The following SERTM1 variants were observed in gnomAD, a reference collection of about 807,000 sequenced individuals.
SERTM1 encodes serine rich and transmembrane domain containing 1.
SERTM1 carries 1 observed loss-of-function variant against 5.5 expected under a neutral mutation model. The observed-to-expected ratio is 0.18, with a 90% CI of 0.06 to 0.86. SERTM1 has a LOEUF of 0.86. Among genes scored for constraint, SERTM1 ranks in the 40% least tolerant of loss-of-function variants. SERTM1 has a pLI of 0.69. For synonymous variants in SERTM1, 52 were observed against 55.1 expected (o/e 0.94, Z 0.25); for missense variants, 91 against 122.4 (o/e 0.74, Z 1.21).
At chr13:36,694,585 C>T (rs1303698261) in intron 1 of SERTM1, among the ~76,000 whole-genome samples, 1 of 152,192 alleles carries the variant, frequency 6.6e-6, no homozygotes, top group Non-Finnish European at 1.5e-5. Flanking sequence ...TTTCTGTGTT[C>T]TCATCTCAGA....
In SERTM1 at chr13:36,687,730, T is replaced by C. The variant is rs1429278458; in HGVS notation, c.-173-7176T>C. ...TAAAATATTTACTGCACATCCATTCTTATAAATTAAAAATACACACACACA... is the reference window on the plus strand; with the variant it reads ...TAAAATATTTACTGCACATCCATTCCTATAAATTAAAAATACACACACACA... On this transcript the variant is annotated intron_variant, in intron 1 of 1. Coordinates refer to ENST00000315190, the MANE Select transcript of SERTM1 (RefSeq NM_203451.3). Among the ~76,000 whole-genome samples, 3 of 151,848 alleles carry C rather than the reference T, an allele frequency of 2.0e-5. No homozygotes were observed. The East Asian group carries it at 5.8e-4, about 29-fold the overall frequency.
rs1358690936 is a variant in SERTM1 at position 36,695,814 on chromosome 13, G to A, written c.*412G>A. On this transcript the variant is annotated 3_prime_UTR_variant, in exon 2 of 2. Coordinates refer to ENST00000315190, the MANE Select transcript of SERTM1 (RefSeq NM_203451.3). ...ACTGGCAAAATCAAGTCTGACCTAT[G>A]TAGAAGTTATTTTCCATATTTAAAA... The A allele has an allele frequency of 5.6e-6, 1 of 178,574 alleles. No homozygotes were observed. Among genetic ancestry groups the A allele is most frequent in the East Asian group, 1.8e-4 (1 of 5,582 alleles). The allele number at this position is 178,574 out of a possible 1,614,324, so 11.1% of individuals were successfully genotyped here.
At chr13:36,694,275 A>T (rs1032445525) in intron 1 of SERTM1, among the ~76,000 whole-genome samples, 1 of 152,250 alleles carries the variant, frequency 6.6e-6, no homozygotes, top group African/African-American at 2.4e-5. Flanking sequence ...TTCGGAGAGA[A>T]TCTAACCTTT....
chr13:36,687,966 A>C (rs1337982764), intron 1 of SERTM1, among the ~76,000 whole-genome samples: 1 of 151,308 alleles, frequency 6.6e-6, no homozygotes, highest in African/African-American at 2.4e-5. Flanking sequence ...TAAAAACAAA[A>C]AAAAAAGCTC....
intron 1 of SERTM1, among the ~76,000 whole-genome samples, chr13:36,692,948 C>G (rs1468279759): frequency 6.6e-6 from 1 of 152,204 alleles, no homozygotes; most frequent in African/African-American, 2.4e-5. Flanking sequence ...TTTACCTGCC[C>G]TGCAAAGTAG....
In SERTM1 at chr13:36,693,651, A is replaced by C. The variant is rs866327405; in HGVS notation, c.-173-1255A>C. Among the ~76,000 whole-genome samples the C allele has an allele frequency of 2.0e-5, 3 of 152,150 alleles. No homozygotes were observed. In the East Asian group the frequency reaches 5.8e-4, roughly 29 times the overall value. The stretch of plus-strand genomic sequence containing the variant: ...GCTCCAGCCACAGTGGCAAATGTCA[A>C]CCCCTCCAAGAATCAGCTGCTTAAT... On this transcript the variant is annotated intron_variant, in intron 1 of 1. Coordinates refer to ENST00000315190, the MANE Select transcript of SERTM1 (RefSeq NM_203451.3).
At position 36,682,989 on chromosome 13, in the gene SERTM1, G is replaced by A. The variant is rs191338949; in HGVS notation, c.-174+8805G>A. Among the ~76,000 whole-genome samples the A allele has an allele frequency of 3.8e-3, 578 of 152,196 alleles. 2 individuals are homozygous for A. The highest frequency in any genetic ancestry group is 0.013 in the African/African-American group (546 of 41,526). On this transcript the variant is annotated intron_variant, in intron 1 of 1. Transcript: ENST00000315190. ...CTGCTCACTGCAATCTCTGCCTCCT[G>A]GGTTCAAATGATTCTCCTGCCTCAG...
At chr13:36,675,523 A>C (rs1451591686) in intron 1 of SERTM1, among the ~76,000 whole-genome samples, 1 of 152,080 alleles carries the variant, frequency 6.6e-6, no homozygotes, top group Non-Finnish European at 1.5e-5. Flanking sequence ...TCTGAAAAAA[A>C]CAATATTTAA....
At chr13:36,683,564 A>G (rs906152020) in intron 1 of SERTM1, among the ~76,000 whole-genome samples, 1 of 152,192 alleles carries the variant, frequency 6.6e-6, no homozygotes, top group Non-Finnish European at 1.5e-5. Context: ...ATAAGTGTCA[A>G]TGGGGCCAGC....
chr13:36,682,728 G>C (rs1436055663), intron 1 of SERTM1, among the ~76,000 whole-genome samples: 2 of 152,146 alleles, frequency 1.3e-5, no homozygotes, highest in African/African-American at 4.8e-5. Flanking sequence ...GACCATATAA[G>C]AGAAGTCTTA....
intron 1 of SERTM1, among the ~76,000 whole-genome samples, chr13:36,678,728 G>C (rs2056685371): frequency 7.2e-6 from 1 of 139,590 alleles, no homozygotes; most frequent in Non-Finnish European, 1.6e-5. Context: ...AGAGGATCAA[G>C]AGACTCCACT....
chr13:36,689,957 C>T (rs780716671), intron 1 of SERTM1, among the ~76,000 whole-genome samples: 5 of 152,012 alleles, frequency 3.3e-5, no homozygotes, highest in Non-Finnish European at 7.4e-5. Context: ...TAATGGCCTG[C>T]GCTGGAATTG....
In SERTM1 at chr13:36,695,435, GT is replaced by G; in HGVS notation, c.*37del. Reference sequence around the variant, plus strand: ...GGAAGAGTCCTTGAGTGTGGCAGCAGTTTTGACATCCCCTTACGGAAGTGTC... The same window carrying G: ...GGAAGAGTCCTTGAGTGTGGCAGCAGTTTGACATCCCCTTACGGAAGTGTC... On this transcript the variant is annotated 3_prime_UTR_variant, in exon 2 of 2. Transcript: ENST00000315190. The G allele has an allele frequency of 6.5e-7, 1 of 1,528,350 alleles. No homozygotes were observed. 94.7% of individuals were successfully genotyped at this position (1,528,350 alleles called of 1,614,324 possible).
Position 36,695,515 on chromosome 13 carries a change from T to C in SERTM1, c.*113T>C, listed in dbSNP as rs2056807778. 1.4e-6 allele frequency: 1 copy of C among 736,354 alleles called. No homozygotes were observed. The highest frequency in any genetic ancestry group is 1.9e-5 in the South Asian group (1 of 53,906). 45.6% of individuals were successfully genotyped at this position (736,354 alleles called of 1,614,324 possible). Reference sequence around the variant, plus strand: ...GATCCTTTTGGTGTAGACCTGCTTCTCCTTCTCCTTTTTCTCTGATTTCTT... The same window carrying C: ...GATCCTTTTGGTGTAGACCTGCTTCCCCTTCTCCTTTTTCTCTGATTTCTT... On this transcript the variant is annotated 3_prime_UTR_variant, in exon 2 of 2. Coordinates refer to ENST00000315190, the MANE Select transcript of SERTM1 (RefSeq NM_203451.3).
chr13:36,696,537 T>C lies in SERTM1; in HGVS notation c.*1135T>C, dbSNP rs1243249390. On this transcript the variant is annotated 3_prime_UTR_variant, in exon 2 of 2. Transcript: ENST00000315190. Reference sequence around the variant, plus strand: ...TTAAAAATTGTAGGCACTCAAGTTGTGTAGCTGCTGGGAGCTTTAGGGATC... The same window carrying C: ...TTAAAAATTGTAGGCACTCAAGTTGCGTAGCTGCTGGGAGCTTTAGGGATC... 6.0e-6 allele frequency: 1 copy of C among 167,030 alleles called. No homozygotes were observed. Among genetic ancestry groups the C allele is most frequent in the Non-Finnish European group, 1.5e-5 (1 of 68,108 alleles). The allele number at this position is 167,030 out of a possible 1,614,324, so 10.3% of individuals were successfully genotyped here. A position where few individuals can be genotyped will look rare whatever the true frequency, so the allele number is the denominator to read the frequency against.
At chr13:36,685,363 C>A (rs2056733803) in intron 1 of SERTM1, among the ~76,000 whole-genome samples, 1 of 152,154 alleles carries the variant, frequency 6.6e-6, no homozygotes, top group South Asian at 2.1e-4. Context: ...TCCCAGGTGT[C>A]CTTGGAAATC....
chr13:36,674,771 T>C (rs192762257), intron 1 of SERTM1, among the ~76,000 whole-genome samples: 93 of 152,280 alleles, frequency 6.1e-4, no homozygotes, highest in Middle Eastern at 6.8e-3. Flanking sequence ...GAGAGTCTTT[T>C]CGCCCGTCTT....
intron 1 of SERTM1, among the ~76,000 whole-genome samples, chr13:36,680,273 G>A (rs1055812268): frequency 4.6e-5 from 7 of 152,164 alleles, no homozygotes; most frequent in African/African-American, 1.7e-4. Context: ...AATGGGTCTA[G>A]TTGAATGGAA....
rs1566226327 is a variant in SERTM1, at chr13:36,678,696, A to AT, written c.-174+4512_-174+4513insT. On this transcript the variant is annotated intron_variant, in intron 1 of 1. Transcript: ENST00000315190. ...AATAAAATTTATATATATATATATA[A>AT]AATATAGTCCTTTTTAATATAAGAG... 8.4e-5 allele frequency among the ~76,000 whole-genome samples: 10 copies of AT among 118,560 alleles called. 1 individual carries two copies. The highest frequency in any genetic ancestry group is 3.1e-4 in the African/African-American group (10 of 31,842). 77.8% of individuals were successfully genotyped at this position (118,560 alleles called of 152,430 possible). A position where few individuals can be genotyped will look rare whatever the true frequency, so the allele number is the denominator to read the frequency against.
Sources: allele counts gnomAD v4.1 joint callset (sites outside exome capture counted in the v4.1 genomes callset), GRCh38; gene constraint gnomAD v4.1.1; transcripts MANE v1.5; gene names NCBI Gene and HGNC (gene_info 2026-07-23, HGNC 2026-07-21).